The following MYO18B variants were observed in gnomAD, a reference collection of about 807,000 sequenced individuals.
MYO18B encodes unconventional myosin-XVIIIb.
MYO18B carries 204 observed loss-of-function variants against 273.0 expected under a neutral mutation model. That is an observed-to-expected ratio of 0.75 (90% CI 0.67 to 0.84). MYO18B has a LOEUF of 0.84. MYO18B is among the 40% of genes least tolerant of loss of function. The probability of loss-of-function intolerance (pLI) is 0.00; values close to 1 mark genes in which losing one functional copy is unlikely to be tolerated. For missense variants in MYO18B, 3,212 were observed against 3,287.6 expected, an observed-to-expected ratio of 0.98 and a Z score of 0.56; for synonymous variants, 1,330 against 1,305.7, an observed-to-expected ratio of 1.02 and a Z score of -0.40.
intron 40 of MYO18B, among the ~76,000 whole-genome samples, chr22:25,993,978 A>G (rs1932961151): frequency 6.6e-6 from 1 of 152,096 alleles, no homozygotes; most frequent in African/African-American, 2.4e-5. Context: ...CTCTAGCTCT[A>G]CTAGTACTCT....
chr22:25,983,735 G>A (rs1313612815), intron 39 of MYO18B, among the ~76,000 whole-genome samples: 1 of 152,224 alleles, frequency 6.6e-6, no homozygotes, highest in Non-Finnish European at 1.5e-5. Context: ...GCACTGCCTT[G>A]AGGCATCCAT....
chr22:25,824,224 G>A (rs1220236837), intron 13 of MYO18B, among the ~76,000 whole-genome samples: 1 of 152,178 alleles, frequency 6.6e-6, no homozygotes, highest in Admixed American at 6.5e-5. Context: ...GAAGGTTGGG[G>A]AGTGAGTGGG....
At chr22:26,029,185 C>G (rs1936519144) in intron 43 of MYO18B, among the ~76,000 whole-genome samples, 1 of 152,150 alleles carries the variant, frequency 6.6e-6, no homozygotes, top group African/African-American at 2.4e-5. Flanking sequence ...AGCGTATGAG[C>G]CTTCGTAAAT....
intron 42 of MYO18B, among the ~76,000 whole-genome samples, chr22:26,018,376 C>T (rs1288735451): frequency 1.3e-5 from 2 of 152,106 alleles, no homozygotes; most frequent in African/African-American, 2.4e-5. Context: ...GTCACCTCCT[C>T]CTCACTTCCC....
chr22:25,915,900 A>G (rs6004827), intron 33 of MYO18B, among the ~76,000 whole-genome samples: 62 of 152,324 alleles, frequency 4.1e-4, no homozygotes, highest in African/African-American at 1.4e-3. Context: ...TAATCTCATA[A>G]AATGAATTCA....
chr22:25,786,708 C>G (rs1479869802), intron 11 of MYO18B, among the ~76,000 whole-genome samples: 1 of 152,138 alleles, frequency 6.6e-6, no homozygotes, highest in Non-Finnish European at 1.5e-5. Flanking sequence ...AGCATCTGCT[C>G]TCTTAAAGTC....
chr22:25,994,704 C>T (rs566562425), intron 40 of MYO18B, among the ~76,000 whole-genome samples: 1 of 152,328 alleles, frequency 6.6e-6, no homozygotes, highest in Admixed American at 6.5e-5. Flanking sequence ...ACTGCCCCCT[C>T]CTCCTGTTTT....
intron 40 of MYO18B, among the ~76,000 whole-genome samples, chr22:25,996,359 T>C (rs992415172): frequency 1.3e-5 from 2 of 152,238 alleles, no homozygotes; most frequent in Non-Finnish European, 2.9e-5. Flanking sequence ...TGTTAAGTGC[T>C]TGTTTTATTC....
Position 25,763,258 on chromosome 22 carries a change from C to T in MYO18B, c.67C>T (p.Pro23Ser), listed in dbSNP as rs1393716171. 1.9e-6 allele frequency: 3 copies of T among 1,610,320 alleles called. No homozygotes were observed. The highest frequency in any genetic ancestry group is 1.3e-5 in the African/African-American group (1 of 74,744). ...KIREEDKSPP[P>S]SSPPPLFSVI... ...TCGGGAAGAGGACAAGAGCCCTCCA[C>T]CATCCTCGCCCCCTCCTCTTTTCTC... The change falls in exon 3 of 44, where the codon CCA (proline) becomes TCA (serine). Residue 23 changes from proline (P) to serine (S), a missense_variant. By Grantham distance (74) the Pro-to-Ser change is moderately conservative. Coordinates refer to ENST00000335473, the MANE Select transcript of MYO18B (RefSeq NM_032608.7).
chr22:25,769,522 G>A, intron 4 of MYO18B, 94 bp downstream of exon 4: 3 of 1,212,814 alleles, frequency 2.5e-6, no homozygotes, highest in Non-Finnish European at 1.1e-6. Flanking sequence ...ATGGACAAGG[G>A]GTGGACGGGG....
At chr22:25,779,939 T>C (rs912044798) in intron 8 of MYO18B, 117 bp from the exon 9 acceptor site, 18 of 1,337,274 alleles carry the variant, frequency 1.3e-5, no homozygotes, top group African/African-American at 2.9e-5. Context: ...CACCGGGGGC[T>C]GAGGCCAGGA....
the MYO18B span, among the ~76,000 whole-genome samples, chr22:26,063,571 C>G: frequency 1.3e-5 from 2 of 152,170 alleles, no homozygotes; most frequent in Non-Finnish European, 2.9e-5. Context: ...GGTCTCTTTG[C>G]ACATCAGACA....
At chr22:25,945,556 C>T (rs1243141513) in intron 34 of MYO18B, among the ~76,000 whole-genome samples, 1 of 152,024 alleles carries the variant, frequency 6.6e-6, no homozygotes, top group African/African-American at 2.4e-5. Flanking sequence ...TGCTTTCTCC[C>T]AGGTGTGAGT....
chr22:25,934,060 AT>A (rs1333993903), intron 34 of MYO18B, among the ~76,000 whole-genome samples: 1 of 152,106 alleles, frequency 6.6e-6, no homozygotes, highest in Non-Finnish European at 1.5e-5. Context: ...TTTTTATTCT[AT>A]TTTGCACTTC....
intron 7 of MYO18B, among the ~76,000 whole-genome samples, chr22:25,773,064 G>C (rs981212835): frequency 2.0e-5 from 3 of 152,046 alleles, no homozygotes; most frequent in South Asian, 2.1e-4. Context: ...TTTTTTCCTC[G>C]GAAGTGTAGA....
intron 12 of MYO18B, among the ~76,000 whole-genome samples, chr22:25,821,771 T>C (rs1309314774): frequency 6.6e-6 from 1 of 151,998 alleles, no homozygotes; most frequent in African/African-American, 2.4e-5. Context: ...TGAGACTCCA[T>C]CTCAAAAACA....
chr22:25,910,817 A>T (rs2092142192), intron 32 of MYO18B, 129 bp from the exon 33 acceptor site: 1 of 705,878 alleles, frequency 1.4e-6, no homozygotes, highest in African/African-American at 1.8e-5. Flanking sequence ...CCACCCAATC[A>T]CTAGGGCAGC....
At chr22:26,056,603 G>A in the MYO18B span, among the ~76,000 whole-genome samples, 236 of 152,262 alleles carry the variant, frequency 1.5e-3, no homozygotes, top group African/African-American at 5.4e-3. Context: ...ATTTTATTCT[G>A]TTCTCTTCCT....
Position 25,878,030 on chromosome 22 carries a change from A to T in MYO18B, c.4296A>T (p.Thr1432=). The T allele has an allele frequency of 6.3e-7, 1 of 1,581,394 alleles. No homozygotes were observed. The highest frequency in any genetic ancestry group is 8.6e-7 in the Non-Finnish European group (1 of 1,163,194). The change falls in exon 25 of 44, where the codon ACA becomes ACT. Residue 1432 remains threonine (T), a synonymous_variant. Transcript: ENST00000335473. ...EKLRNELRQN[T]DLLESKIADL... ...TGCGGAATGAACTCCGGCAGAACAC[A>T]GATCTGCTAGAAAGCAAGGTATCCC...
Sources: allele counts gnomAD v4.1 joint callset (sites outside exome capture counted in the v4.1 genomes callset), GRCh38; gene constraint gnomAD v4.1.1; transcripts MANE v1.5; gene names NCBI Gene and HGNC (gene_info 2026-07-23, HGNC 2026-07-21).